GMPR: variants seen among roughly 807,000 people sequenced by gnomAD.
GMPR encodes the protein guanosine monophosphate reductase, also known as GMP reductase 1.
In GMPR, 31 loss-of-function variants were observed where a neutral mutation model predicts 38.4. The ratio of observed to expected loss-of-function variants is 0.81; its 90% CI spans 0.61 to 1.09. The LOEUF (loss-of-function observed/expected upper bound fraction) is 1.09. Among genes scored for constraint, GMPR ranks in the 50% least tolerant of loss-of-function variants. The pLI, the probability that GMPR is intolerant of heterozygous loss-of-function variation, is 0.00. For synonymous variants in GMPR, 162 were observed against 173.3 expected, an observed-to-expected ratio of 0.93 and a Z score of 0.51; for missense variants, 468 against 453.7, an observed-to-expected ratio of 1.03 and a Z score of -0.29.
intron 5 of GMPR, among the ~76,000 whole-genome samples, chr6:16,278,345 T>A (rs1045822686): frequency 6.6e-6 from 1 of 151,996 alleles, no homozygotes; most frequent in African/African-American, 2.4e-5. Context: ...GAGAGGTGAG[T>A]CATTTGACAA....
intron 6 of GMPR, among the ~76,000 whole-genome samples, chr6:16,282,038 C>T (rs756460884): frequency 2.6e-5 from 4 of 152,184 alleles, no homozygotes; most frequent in African/African-American, 7.2e-5. Context: ...CCTGAACCTG[C>T]TAGAAACCCA....
chr6:16,243,085 T>TAATTCA (rs1581644287), intron 1 of GMPR, among the ~76,000 whole-genome samples: 1 of 152,066 alleles, frequency 6.6e-6, no homozygotes, highest in African/African-American at 2.4e-5. Context: ...GGGGGAGACA[T>TAATTCA]AATTCAACCC....
intron 4 of GMPR, among the ~76,000 whole-genome samples, chr6:16,272,193 C>G (rs1182657550): frequency 6.6e-6 from 1 of 152,050 alleles, no homozygotes; most frequent in African/African-American, 2.4e-5. Flanking sequence ...GGTGACAGAG[C>G]AAGACTCCAT....
chr6:16,284,273 C>G (rs1486597326), intron 6 of GMPR, among the ~76,000 whole-genome samples: 2 of 152,182 alleles, frequency 1.3e-5, no homozygotes, highest in Non-Finnish European at 2.9e-5. Context: ...GAGTGACAGG[C>G]CTCACTGGTA....
chr6:16,240,380 A>G (rs987649157), intron 1 of GMPR, among the ~76,000 whole-genome samples: 1 of 152,190 alleles, frequency 6.6e-6, no homozygotes, highest in Non-Finnish European at 1.5e-5. Context: ...ACAAAAATTT[A>G]AAAAATCAGC....
chr6:16,278,566 T>C (rs1581662452), intron 5 of GMPR, among the ~76,000 whole-genome samples: 1 of 152,212 alleles, frequency 6.6e-6, no homozygotes, highest in East Asian at 1.9e-4. Flanking sequence ...CATCAGCCAG[T>C]GACAGTGATG....
chr6:16,278,909 CTGAGGCTGGGGT>C lies in GMPR; in HGVS notation c.654+20_654+31del. 1 of 1,527,328 alleles carries C rather than the reference CTGAGGCTGGGGT, an allele frequency of 6.5e-7. No individual in the cohort carries two copies. The highest frequency in any genetic ancestry group is 9.0e-7 in the Non-Finnish European group (1 of 1,105,190). The allele number at this position is 1,527,328 out of a possible 1,614,324, so 94.6% of individuals were successfully genotyped here. A position where few individuals can be genotyped will look rare whatever the true frequency, so the allele number is the denominator to read the frequency against. On this transcript the variant is annotated intron_variant, in intron 6 of 8. Transcript: ENST00000259727. Reference sequence around the variant, plus strand: ...CATCTCTGTGAGTCTCCACCCGGGGCTGAGGCTGGGGTGTCTTGGGAGGCCCCTGCTCCCTCG... The same window carrying C: ...CATCTCTGTGAGTCTCCACCCGGGGCGTCTTGGGAGGCCCCTGCTCCCTCG...
chr6:16,266,440 G>T (rs1759229905), intron 4 of GMPR, among the ~76,000 whole-genome samples: 1 of 107,464 alleles, frequency 9.3e-6, no homozygotes, highest in African/African-American at 3.4e-5. Flanking sequence ...TGGCACGTCG[G>T]ACGTGCCACC....
intron 4 of GMPR, among the ~76,000 whole-genome samples, chr6:16,266,480 AGGT>A (rs1459048498): frequency 1.4e-5 from 2 of 140,504 alleles, no homozygotes; most frequent in African/African-American, 2.7e-5. Flanking sequence ...CCTGTGGAAA[AGGT>A]GGCACGTCCG....
intron 6 of GMPR, among the ~76,000 whole-genome samples, chr6:16,280,052 A>C (rs1256865109): frequency 6.6e-6 from 1 of 152,144 alleles, no homozygotes; most frequent in Non-Finnish European, 1.5e-5. Context: ...GCACTGGAGA[A>C]GGAGAAGGAG....
At chr6:16,271,831 T>TA (rs1759393243) in intron 4 of GMPR, among the ~76,000 whole-genome samples, 1 of 152,214 alleles carries the variant, frequency 6.6e-6, no homozygotes, top group Non-Finnish European at 1.5e-5. Flanking sequence ...CATACACACA[T>TA]ACACTTTTTT....
At chr6:16,239,173 T>C (rs1474974751) in intron 1 of GMPR, among the ~76,000 whole-genome samples, 1 of 152,188 alleles carries the variant, frequency 6.6e-6, no homozygotes, top group African/African-American at 2.4e-5. Flanking sequence ...GATTTTTGGC[T>C]GCGTCTCCTA....
chr6:16,264,039 G>T (rs571934382), intron 4 of GMPR, among the ~76,000 whole-genome samples: 1 of 151,954 alleles, frequency 6.6e-6, no homozygotes, highest in Non-Finnish European at 1.5e-5. Flanking sequence ...AGGACTTGCC[G>T]CTAAGGGTGA....
At chr6:16,262,871 G>T (rs1211120918) in intron 4 of GMPR, 1 of 152,040 alleles carries the variant, frequency 6.6e-6, no homozygotes, top group Non-Finnish European at 1.5e-5. Flanking sequence ...CCTTGACTAT[G>T]CCTTTAGCTC....
chr6:16,291,640 G>A (rs553321875), intron 8 of GMPR, among the ~76,000 whole-genome samples: 19 of 152,168 alleles, frequency 1.2e-4, no homozygotes, highest in Non-Finnish European at 1.8e-4. Context: ...GCCAGGCACA[G>A]TGGCTCATGC....
At chr6:16,247,578 T>C (rs537123128) in intron 2 of GMPR, among the ~76,000 whole-genome samples, 18 of 152,332 alleles carry the variant, frequency 1.2e-4, no homozygotes, top group Admixed American at 6.5e-4. Flanking sequence ...TTTCACCGTG[T>C]TGGCCAAGCT....
intron 7 of GMPR, among the ~76,000 whole-genome samples, chr6:16,288,944 G>A (rs973824638): frequency 6.6e-6 from 1 of 152,182 alleles, no homozygotes; most frequent in Non-Finnish European, 1.5e-5. Context: ...ACCAATCAGC[G>A]CCCTGACAAA....
At chr6:16,265,058 G>A (rs1022149434) in intron 4 of GMPR, among the ~76,000 whole-genome samples, 5 of 152,190 alleles carry the variant, frequency 3.3e-5, no homozygotes, top group African/African-American at 1.2e-4. Context: ...AGAATAATGT[G>A]TTCTCGGGTA....
At chr6:16,248,124 G>A (rs994419837) in intron 2 of GMPR, among the ~76,000 whole-genome samples, 3 of 150,794 alleles carry the variant, frequency 2.0e-5, no homozygotes, top group Admixed American at 6.6e-5. Context: ...CCAGCTACTC[G>A]GGAGGCTGAG....
Sources: allele counts gnomAD v4.1 joint callset (sites outside exome capture counted in the v4.1 genomes callset), GRCh38; gene constraint gnomAD v4.1.1; transcripts MANE v1.5; gene names NCBI Gene and HGNC (gene_info 2026-07-23, HGNC 2026-07-21).